Variants in CSGALNACT2 observed in about 807,000 individuals in gnomAD.
The protein encoded by CSGALNACT2 is beta 4 GalNAcT-2.
In CSGALNACT2, 35 loss-of-function variants were observed where a neutral mutation model predicts 55.3. That is an observed-to-expected ratio of 0.63 (90% confidence interval 0.48 to 0.84). The LOEUF is 0.84. Among genes scored for constraint, CSGALNACT2 ranks in the 40% least tolerant of loss-of-function variants. The pLI is 0.00. For synonymous variants in CSGALNACT2, 196 were observed against 224.9 expected (o/e 0.87, Z 1.15); for missense variants, 544 against 657.5 (o/e 0.83, Z 1.89).
chr10:43,146,325 C>G (rs1838746831), intron 1 of CSGALNACT2, among the ~76,000 whole-genome samples: 1 of 152,216 alleles, frequency 6.6e-6, no homozygotes, highest in African/African-American at 2.4e-5. Flanking sequence ...TGTTCTAGGT[C>G]AGGAAGCATC....
At chr10:43,144,127 A>G (rs1030298475) in intron 1 of CSGALNACT2, among the ~76,000 whole-genome samples, 1 of 152,226 alleles carries the variant, frequency 6.6e-6, no homozygotes, top group African/African-American at 2.4e-5. Context: ...AACCTTAATG[A>G]GAAATTGTTC....
At chr10:43,172,674 C>G (rs1839405107) in intron 6 of CSGALNACT2, among the ~76,000 whole-genome samples, 2 of 152,206 alleles carry the variant, frequency 1.3e-5, no homozygotes, top group Non-Finnish European at 2.9e-5. Flanking sequence ...CACTGGCACC[C>G]TGACACTTAG....
At chr10:43,166,738 A>G (rs890582976) in intron 5 of CSGALNACT2, among the ~76,000 whole-genome samples, 4 of 152,242 alleles carry the variant, frequency 2.6e-5, no homozygotes, top group African/African-American at 9.6e-5. Context: ...TAATGAATAC[A>G]CATCTCCCCA....
rs1564514564 is a variant in CSGALNACT2 at position 43,158,854 on chromosome 10, C to G, written c.801C>G (p.Ile267Met). Reference protein sequence around the residue: ...LMKVKSEMIDITRSIINIIVP... With the variant: ...LMKVKSEMIDMTRSIINIIVP... The stretch of plus-strand genomic sequence containing the variant: ...AAGTGAAGAGTGAGATGATTGACAT[C>G]ACTAGATCAATTATTAATATCATTG... The change falls in exon 3 of 8, where the codon ATC (isoleucine) becomes ATG (methionine). Residue 267 changes from isoleucine to methionine, a missense_variant. This residue lies in a region of CSGALNACT2 where 374 missense variants were observed against 401.3 expected (regional missense o/e 0.93). Coordinates refer to ENST00000374466, the MANE Select transcript of CSGALNACT2 (RefSeq NM_018590.5). The G allele has an allele frequency of 6.2e-7, 1 of 1,611,274 alleles. No homozygotes were observed. Among genetic ancestry groups the G allele is most frequent in the South Asian group, 1.1e-5 (1 of 91,054 alleles).
intron 6 of CSGALNACT2, among the ~76,000 whole-genome samples, chr10:43,168,069 A>G (rs1310320832): frequency 6.6e-6 from 1 of 152,236 alleles, no homozygotes; most frequent in Non-Finnish European, 1.5e-5. Context: ...TTTATAGGGT[A>G]AGTTTTCTAA....
chr10:43,167,097 T>G lies in CSGALNACT2; in HGVS notation c.1253T>G (p.Leu418Arg), dbSNP rs746212418. The G allele has an allele frequency of 1.3e-6, 2 of 1,594,276 alleles. No homozygotes were observed. The highest frequency in any genetic ancestry group is 4.5e-5 in the East Asian group (2 of 44,734). ...QEVPPPVEQQLVHKKDSGFWR... is the reference protein window; with the variant it reads ...QEVPPPVEQQRVHKKDSGFWR... Reference sequence around the variant, plus strand: ...GTGCCACCACCTGTGGAGCAGCAGCTGGTGAGACTTTCACATTTTCAGTTA... The same window carrying G: ...GTGCCACCACCTGTGGAGCAGCAGCGGGTGAGACTTTCACATTTTCAGTTA... Residue 418 changes from leucine (L) to arginine (R), a missense_variant and splice_region_variant, in exon 6 of 8, where the codon CTG becomes CGG. Physicochemically the swap from Leu to Arg is moderately radical, Grantham distance 102. Coordinates refer to ENST00000374466, the MANE Select transcript of CSGALNACT2 (RefSeq NM_018590.5).
chr10:43,162,628 C>T (rs1839176589), intron 4 of CSGALNACT2: 1 of 985,418 alleles, frequency 1.0e-6, no homozygotes, highest in Non-Finnish European at 1.2e-6. Flanking sequence ...CTCCATTACC[C>T]ATTCTGTACT....
At chr10:43,149,347 A>G (rs1050218897) in intron 1 of CSGALNACT2, among the ~76,000 whole-genome samples, 4 of 152,268 alleles carry the variant, frequency 2.6e-5, no homozygotes, top group African/African-American at 4.8e-5. Flanking sequence ...TCGGCCTTCC[A>G]AAGTGCTGGA....
chr10:43,141,624 C>CAA (rs58889701), intron 1 of CSGALNACT2, among the ~76,000 whole-genome samples: 11 of 68,896 alleles, frequency 1.6e-4, no homozygotes, highest in Admixed American at 6.6e-4. Context: ...GAAACTGTCT[C>CAA]AAAAAAAAAA....
chr10:43,175,060 T>G (rs374214996), intron 6 of CSGALNACT2, among the ~76,000 whole-genome samples: 18 of 152,342 alleles, frequency 1.2e-4, no homozygotes, highest in East Asian at 1.2e-3. Flanking sequence ...AGAAAAGGAC[T>G]TTGGCAGTTC....
At chr10:43,158,455 G>T (rs574863379) in intron 2 of CSGALNACT2, among the ~76,000 whole-genome samples, 1 of 152,182 alleles carries the variant, frequency 6.6e-6, no homozygotes, top group African/African-American at 2.4e-5. Context: ...TTAAAAAGTC[G>T]TATGTAAAAA....
intron 7 of CSGALNACT2, among the ~76,000 whole-genome samples, chr10:43,178,401 T>C (rs1839523583): frequency 6.6e-6 from 1 of 152,168 alleles, no homozygotes; most frequent in Non-Finnish European, 1.5e-5. Context: ...GGCGGGCAGA[T>C]CACGAGGTCA....
At chr10:43,152,424 T>TAACA (rs10641480) in intron 1 of CSGALNACT2, among the ~76,000 whole-genome samples, 125,625 of 151,804 alleles carry the variant, frequency 0.83, 52,481 homozygotes, top group African/African-American at 0.9. Flanking sequence ...ATTATGCAAC[T>TAACA]TTTACATTCT....
intron 4 of CSGALNACT2, chr10:43,162,167 T>TC (rs749677891): frequency 3.3e-5 from 17 of 518,984 alleles, no homozygotes; most frequent in South Asian, 2.4e-4. Flanking sequence ...TGTCTGTTTT[T>TC]CTCTGCATGT....
At chr10:43,144,729 A>C (rs1838706828) in intron 1 of CSGALNACT2, among the ~76,000 whole-genome samples, 1 of 152,234 alleles carries the variant, frequency 6.6e-6, no homozygotes, top group African/African-American at 2.4e-5. Context: ...CACCTGTGAA[A>C]TCATCACTGC....
intron 2 of CSGALNACT2, among the ~76,000 whole-genome samples, chr10:43,157,573 T>C (rs1839041867): frequency 6.6e-6 from 1 of 152,204 alleles, no homozygotes; most frequent in Non-Finnish European, 1.5e-5. Context: ...TGTCACAGTA[T>C]GTGGCATTGC....
intron 7 of CSGALNACT2, 112 bp from the exon 8 acceptor site, chr10:43,183,138 T>G (rs1375285454): frequency 2.4e-6 from 2 of 841,316 alleles, no homozygotes; most frequent in Admixed American, 4.3e-5. Flanking sequence ...GTGCTACCTT[T>G]TTGCTGAACC....
At chr10:43,175,355 A>T (rs1392666478) in intron 6 of CSGALNACT2, among the ~76,000 whole-genome samples, 1 of 152,194 alleles carries the variant, frequency 6.6e-6, no homozygotes, top group African/African-American at 2.4e-5. Flanking sequence ...CTCTTAGAAG[A>T]ACGAAGGAGC....
At chr10:43,139,222 C>T (rs952394729) in intron 1 of CSGALNACT2, among the ~76,000 whole-genome samples, 2 of 152,180 alleles carry the variant, frequency 1.3e-5, no homozygotes, top group African/African-American at 4.8e-5. Flanking sequence ...ATTCAAGGCT[C>T]GCGGGAGCAG....
Sources: allele counts gnomAD v4.1 joint callset (sites outside exome capture counted in the v4.1 genomes callset), GRCh38; gene constraint gnomAD v4.1.1; regional missense constraint gnomAD v4.1.1; transcripts MANE v1.5; gene names NCBI Gene and HGNC (gene_info 2026-07-23, HGNC 2026-07-21).